Variants in CCDC40 observed in about 807,000 individuals in gnomAD.
The protein encoded by CCDC40 is coiled-coil domain 40 molecular ruler complex subunit.
CCDC40 carries 104 observed loss-of-function variants against 124.5 expected under a neutral mutation model. The observed-to-expected ratio is 0.84, with a 90% confidence interval of 0.71 to 0.98. The LOEUF (loss-of-function observed/expected upper bound fraction) is 0.98. CCDC40 is among the 50% of genes least tolerant of loss of function. The pLI, the probability that CCDC40 is intolerant of heterozygous loss-of-function variation, is 0.00. For missense variants in CCDC40, 1,463 were observed against 1,503.9 expected (o/e 0.97, Z 0.45); for synonymous variants, 580 against 602.9 (o/e 0.96, Z 0.56).
At position 80,078,885 on chromosome 17, in the gene CCDC40, T is replaced by C. The variant is rs559000872; in HGVS notation, c.1563-2661T>C. 3.3e-5 allele frequency among the ~76,000 whole-genome samples: 5 copies of C among 152,092 alleles called. No homozygotes were observed. In the East Asian group the frequency reaches 7.7e-4, roughly 23 times the overall value. ...AAGAGAATTGAGGCCTTAATAATAT[T>C]AAATCTTCTGCTTCATGGACATGGC... is the stretch of plus-strand genomic sequence containing the variant. On this transcript the variant is annotated intron_variant, in intron 10 of 19. Coordinates refer to ENST00000397545, the MANE Select transcript of CCDC40 (RefSeq NM_017950.4).
intron 4 of CCDC40, among the ~76,000 whole-genome samples, chr17:80,047,781 A>C (rs7212141): frequency 0.32 from 48,608 of 151,908 alleles, 10,554 homozygotes; most frequent in African/African-American, 0.62. Flanking sequence ...CGTGACAGCA[A>C]CCCCAGGCCT....
intron 4 of CCDC40, 118 bp downstream of exon 4, chr17:80,047,520 C>A: frequency 9.3e-7 from 1 of 1,075,264 alleles, no homozygotes; most frequent in Non-Finnish European, 1.4e-6. Context: ...TGGCTGTGAG[C>A]TGAAAGAGAA....
intron 17 of CCDC40, among the ~76,000 whole-genome samples, chr17:80,094,188 G>T (rs1354363396): frequency 6.6e-6 from 1 of 151,166 alleles, no homozygotes; most frequent in Non-Finnish European, 1.5e-5. Context: ...GAGGCGGGTG[G>T]ATCACTTGAG....
In CCDC40 at chr17:80,048,579, C is replaced by T. The variant is rs2289530; in HGVS notation, c.677-4C>T. The T allele has an allele frequency of 3.7e-6, 6 of 1,611,946 alleles. No homozygotes were observed. Among genetic ancestry groups the T allele is most frequent in the South Asian group, 1.1e-5 (1 of 90,998 alleles). The stretch of plus-strand genomic sequence containing the variant: ...CTCAATGGTGTCGCTGTCTCTCCCC[C>T]CAGTGATCCCCCCAGGGGTGCCCGA... On this transcript the variant is annotated splice_region_variant and splice_polypyrimidine_tract_variant and intron_variant, in intron 4 of 19. Coordinates refer to ENST00000397545, the MANE Select transcript of CCDC40 (RefSeq NM_017950.4).
At chr17:80,081,825 G>T (rs577764470) in intron 11 of CCDC40, 36 bp downstream of exon 11, 3 of 1,613,884 alleles carry the variant, frequency 1.9e-6, no homozygotes, top group Admixed American at 1.7e-5. Flanking sequence ...CACACCTGGC[G>T]CACGGTGGTG....
chr17:80,084,394 C>T (rs550114465), intron 12 of CCDC40, among the ~76,000 whole-genome samples: 7 of 152,278 alleles, frequency 4.6e-5, no homozygotes, highest in African/African-American at 1.4e-4. Flanking sequence ...ATGGGGGTAG[C>T]GGCCCCCATG....
intron 7 of CCDC40, 63 bp downstream of exon 7, chr17:80,050,346 A>C: frequency 1.5e-6 from 2 of 1,327,090 alleles, no homozygotes; most frequent in Non-Finnish European, 2.1e-6. Flanking sequence ...GGGTGTCTCC[A>C]TGTACCATGG....
At chr17:80,067,762 T>A in intron 10 of CCDC40, 2 of 1,485,034 alleles carry the variant, frequency 1.3e-6, no homozygotes, top group Non-Finnish European at 1.8e-6. Context: ...TATTGCTAAG[T>A]AGGATTGTGA....
chr17:80,099,506 G>A (rs1351318885), intron 19 of CCDC40, 21 bp from the exon 20 acceptor site: 2 of 1,602,798 alleles, frequency 1.2e-6, no homozygotes, highest in Non-Finnish European at 1.7e-6. Context: ...AGCCCTATAT[G>A]GAGTCTCTTT....
intron 9 of CCDC40, among the ~76,000 whole-genome samples, chr17:80,063,823 A>AT (rs1384060510): frequency 2.6e-5 from 4 of 152,296 alleles, no homozygotes; most frequent in African/African-American, 9.6e-5. Flanking sequence ...TTTATTGTAC[A>AT]TTTTCAGATA....
In CCDC40 at chr17:80,055,234, A is replaced by C. The variant is rs1214386493; in HGVS notation, c.1160-3260A>C. 1.3e-5 allele frequency among the ~76,000 whole-genome samples: 2 copies of C among 152,308 alleles called. 1 individual carries two copies. The highest frequency in any genetic ancestry group is 4.8e-5 in the African/African-American group (2 of 41,582). ...ACTGTTTTGGAGGCTCCAGCAACGCAAAGAAAACAAGAGAAAGAAATGAGA... is the reference window on the plus strand; with the variant it reads ...ACTGTTTTGGAGGCTCCAGCAACGCCAAGAAAACAAGAGAAAGAAATGAGA... On this transcript the variant is annotated intron_variant, in intron 7 of 19. Coordinates refer to ENST00000397545, the MANE Select transcript of CCDC40 (RefSeq NM_017950.4).
intron 7 of CCDC40, among the ~76,000 whole-genome samples, chr17:80,051,500 G>T (rs2037588576): frequency 6.7e-6 from 1 of 150,102 alleles, no homozygotes; most frequent in Admixed American, 6.6e-5. Flanking sequence ...GTAGTGGCGG[G>T]CGCCTGTAGT....
At chr17:80,043,576 A>G (rs937339771) in intron 3 of CCDC40, among the ~76,000 whole-genome samples, 2 of 149,272 alleles carry the variant, frequency 1.3e-5, no homozygotes, top group Non-Finnish European at 3.0e-5. Flanking sequence ...TCACCTCCAT[A>G]AGGAGTCCCT....
At chr17:80,049,459 G>A (rs1191778006) in intron 5 of CCDC40, among the ~76,000 whole-genome samples, 1 of 151,644 alleles carries the variant, frequency 6.6e-6, no homozygotes, top group Non-Finnish European at 1.5e-5. Context: ...TGTTGGCGGT[G>A]TGGGGCCCAT....
chr17:80,055,126 C>A (rs776956026), intron 7 of CCDC40, among the ~76,000 whole-genome samples: 26 of 151,844 alleles, frequency 1.7e-4, no homozygotes, highest in African/African-American at 5.3e-4. Context: ...CAGAAACTAA[C>A]AAGAAAATGT....
Position 80,047,381 on chromosome 17 carries a change from G to A in CCDC40, c.655G>A (p.Glu219Lys), listed in dbSNP as rs1277342777. 5 of 1,613,142 alleles carry A rather than the reference G, an allele frequency of 3.1e-6. No homozygotes were observed. In the African/African-American group the frequency reaches 5.3e-5, roughly 17 times the overall value. Residue 219 changes from glutamate to lysine, a missense_variant, in exon 4 of 20, where the codon GAG (glutamate) becomes AAG (lysine). By Grantham distance (56) the Glu-to-Lys change is moderately conservative. Coordinates refer to ENST00000397545, the MANE Select transcript of CCDC40 (RefSeq NM_017950.4). ...CGACATCGAGTCCTCAGACCTGGAG[G>A]AGTTCGTCTCGCAGGAGCCAGGTGC... ...GSDIESSDLE[E>K]FVSQEPVIPP...
rs1455160544 is a variant in CCDC40 at position 80,087,936 on chromosome 17, G to T, written c.2620-75G>T. ...CCTGCAGCCCTGCCCTCGGTGCCGG[G>T]ATAGAGGGCACCAGCCCCGGCATCC... On this transcript the variant is annotated intron_variant, in intron 15 of 19. Coordinates refer to ENST00000397545, the MANE Select transcript of CCDC40 (RefSeq NM_017950.4). This position sits in a 1 kb window ranked among gnomAD's most constrained non-coding sequence, Gnocchi z 4.5. 7.5e-7 allele frequency: 1 copy of T among 1,332,990 alleles called. No individual in the cohort carries two copies. The highest frequency in any genetic ancestry group is 1.7e-5 in the Admixed American group (1 of 59,592). 82.6% of individuals were successfully genotyped at this position (1,332,990 alleles called of 1,614,324 possible).
At chr17:80,081,494 T>C in intron 10 of CCDC40, 52 bp from the exon 11 acceptor site, 1 of 1,612,364 alleles carries the variant, frequency 6.2e-7, no homozygotes, top group South Asian at 1.1e-5. Context: ...CTCTGTGCAC[T>C]GGCTCTCTGA....
chr17:80,078,919 C>T (rs1316727424), intron 10 of CCDC40, among the ~76,000 whole-genome samples: 1 of 151,180 alleles, frequency 6.6e-6, no homozygotes, highest in Non-Finnish European at 1.5e-5. Flanking sequence ...GCAAATCTCT[C>T]CAGTATCAGT....
Sources: gnomAD v4.1 joint callset for allele counts (sites outside exome capture counted in the v4.1 genomes callset) on GRCh38, gnomAD v4.1.1 for gene constraint, Gnocchi (gnomAD v3.1) non-coding constraint, MANE v1.5 for transcripts, NCBI Gene and HGNC (gene_info 2026-07-23, HGNC 2026-07-21) for gene names.